The following RIPPLY3 variants were observed in gnomAD, a reference collection of about 807,000 sequenced individuals.
RIPPLY3 encodes the protein protein ripply3.
In RIPPLY3, 8 loss-of-function variants were observed where a neutral mutation model predicts 11.9. The observed-to-expected ratio is 0.67, with a 90% CI of 0.40 to 1.21. The LOEUF (loss-of-function observed/expected upper bound fraction) is 1.21. RIPPLY3 is among the 50% of genes most tolerant of loss of function. The probability of loss-of-function intolerance (pLI) is 0.01; values close to 1 mark genes in which losing one functional copy is unlikely to be tolerated. For missense variants in RIPPLY3, 271 were observed against 246.0 expected, an observed-to-expected ratio of 1.10 and a Z score of -0.68; for synonymous variants, 102 against 99.0, an observed-to-expected ratio of 1.03 and a Z score of -0.18.
rs59382996 is a variant in RIPPLY3 at position 37,011,929 on chromosome 21, CAAAAAAAAAAA to C, written c.172-1603_172-1593del. 5.1e-4 allele frequency among the ~76,000 whole-genome samples: 24 copies of C among 47,102 alleles called. No homozygotes were observed. The South Asian group carries it at 0.013, about 26-fold the overall frequency. 30.9% of individuals were successfully genotyped at this position (47,102 alleles called of 152,430 possible). The stretch of plus-strand genomic sequence containing the variant: ...GGGTGAGCAGAGTAAGACTCCGTCT[CAAAAAAAAAAA>C]AAAAAAAAAAAAAAAAAATGGCAGG... On this transcript the variant is annotated intron_variant, in intron 2 of 3. Coordinates refer to ENST00000329553, the MANE Select transcript of RIPPLY3 (RefSeq NM_018962.3).
rs752855618 is a variant in RIPPLY3 at position 37,008,262 on chromosome 21, C to A, written c.171+39C>A. The A allele has an allele frequency of 3.1e-6, 5 of 1,604,252 alleles. No individual in the cohort carries two copies. The East Asian group carries it at 1.1e-4, about 36-fold the overall frequency. On this transcript the variant is annotated intron_variant, in intron 2 of 3. Coordinates refer to ENST00000329553, the MANE Select transcript of RIPPLY3 (RefSeq NM_018962.3). ...CGGGCGTTGTAGGTAACCCTTCCAG[C>A]CAGAAAGTGGCATCGTCTTTTAAAA...
rs764161770 is a variant in RIPPLY3, at chr21:37,013,579, T to A, written c.200T>A (p.Phe67Tyr). ...PLEPRADQHTFGSKGAFGFQH... is the reference protein window; with the variant it reads ...PLEPRADQHTYGSKGAFGFQH... ...GAACCTAGGGCTGACCAACACACTTTTGGATCAAAGGGAGCCTTTGGGTTT... is the reference window on the plus strand; with the variant it reads ...GAACCTAGGGCTGACCAACACACTTATGGATCAAAGGGAGCCTTTGGGTTT... The change falls in exon 3 of 4, where the codon TTT (phenylalanine) becomes TAT (tyrosine). Residue 67 changes from phenylalanine to tyrosine, a missense_variant. By Grantham distance (22) the Phe-to-Tyr change is conservative. Transcript: ENST00000329553. 8 of 1,613,848 alleles carry A rather than the reference T, an allele frequency of 5.0e-6. No homozygotes were observed. The Admixed American group carries it at 1.3e-4, about 27-fold the overall frequency.
chr21:37,006,575 CT>C, upstream of RIPPLY3: 1 of 366,266 alleles, frequency 2.7e-6, no homozygotes, highest in Non-Finnish European at 4.9e-6. This position sits in a 1 kb window ranked among gnomAD's most constrained non-coding sequence, Gnocchi z 5.2. Context: ...CCGACCCGGG[CT>C]TTTCCTTCGT....
At chr21:37,009,276 G>T (rs1453543569) in intron 2 of RIPPLY3, among the ~76,000 whole-genome samples, 1 of 151,430 alleles carries the variant, frequency 6.6e-6, no homozygotes, top group Non-Finnish European at 1.5e-5. Flanking sequence ...GAAGAATTAG[G>T]CTGGGAAAGA....
At chr21:37,011,842 A>G (rs1403496637) in intron 2 of RIPPLY3, among the ~76,000 whole-genome samples, 1 of 145,898 alleles carries the variant, frequency 6.9e-6, no homozygotes, top group Non-Finnish European at 1.5e-5. Flanking sequence ...AGTCCCAGCT[A>G]CTCGGGAGGC....
At position 37,017,966 on chromosome 21, in the gene RIPPLY3, TCTA is replaced by T. The variant is rs772088154; in HGVS notation, c.334_336del (p.Tyr112del). 2.1e-4 allele frequency: 338 copies of T among 1,614,054 alleles called. 1 individual carries two copies. The highest frequency in any genetic ancestry group is 2.7e-4 in the Non-Finnish European group (320 of 1,180,040). On this transcript the variant is annotated inframe_deletion, in exon 4 of 4. Coordinates refer to ENST00000329553, the MANE Select transcript of RIPPLY3 (RefSeq NM_018962.3). Reference sequence around the variant, plus strand: ...TTCCCAGTGCAAGCCACGATTGACTTCTACGACGATGAGTCTACTGAGTCTGCT... The same window carrying T: ...TTCCCAGTGCAAGCCACGATTGACTTCGACGATGAGTCTACTGAGTCTGCT...
intron 1 of RIPPLY3, among the ~76,000 whole-genome samples, chr21:37,007,377 G>A (rs1054736568): frequency 6.7e-6 from 1 of 148,376 alleles, no homozygotes; most frequent in Non-Finnish European, 1.5e-5. Flanking sequence ...GGGCCAGGTA[G>A]CCAGGCAGGA....
intron 3 of RIPPLY3, among the ~76,000 whole-genome samples, chr21:37,017,152 C>CAAAA (rs552999886): frequency 1.9e-5 from 2 of 106,860 alleles, no homozygotes; most frequent in Non-Finnish European, 1.9e-5. Flanking sequence ...GACTCCCTTT[C>CAAAA]AAAAAAAAAA....
At chr21:37,006,655 GCCGCC>G, upstream of RIPPLY3, 2 of 573,926 alleles carry the variant, frequency 3.5e-6, no homozygotes, top group Non-Finnish European at 5.0e-6. This position sits in a 1 kb window ranked among gnomAD's most constrained non-coding sequence, Gnocchi z 5.2. Flanking sequence ...GCTTGCCCGC[GCCGCC>G]CCGCCCCCGT....
intron 1 of RIPPLY3, among the ~76,000 whole-genome samples, chr21:37,007,639 C>G (rs2069479211): frequency 1.3e-5 from 2 of 152,012 alleles, no homozygotes; most frequent in Non-Finnish European, 2.9e-5. Context: ...GAACTCCTGA[C>G]CTCGAGTGAT....
chr21:37,012,212 T>TTTTTTTTTATTA (rs773284506), intron 2 of RIPPLY3, among the ~76,000 whole-genome samples: 2 of 132,512 alleles, frequency 1.5e-5, no homozygotes, highest in African/African-American at 2.7e-5. Context: ...CCGCTCCTTA[T>TTTTTTTTTATTA]TTATTATTAT....
In RIPPLY3 at chr21:37,018,022, C is replaced by A. The variant is rs760266741; in HGVS notation, c.388C>A (p.Pro130Thr). ...CGAAGCTGAAGAGCCAGAGGAAGGA[C>A]CCCCACCCCTCCATCTTCTGCCCCA... ...ASEAEEPEEGPPPLHLLPQEV... is the reference protein window; with the variant it reads ...ASEAEEPEEGTPPLHLLPQEV... The change falls in exon 4 of 4, where the codon CCC (proline) becomes ACC (threonine). Residue 130 changes from proline to threonine, a missense_variant. Physicochemically the swap from Pro to Thr is conservative, Grantham distance 38. Transcript: ENST00000329553. 64 of 1,613,902 alleles carry A rather than the reference C, an allele frequency of 4.0e-5. No individual in the cohort carries two copies. The highest frequency in any genetic ancestry group is 5.2e-5 in the Non-Finnish European group (61 of 1,180,008).
rs531434807 is a variant in RIPPLY3, at chr21:37,018,155, C to T, written c.521C>T (p.Pro174Leu). Residue 174 changes from proline (P) to leucine (L), a missense_variant, in exon 4 of 4, where the codon CCG becomes CTG. Transcript: ENST00000329553. ...SGGGDHWGEG[P>L]LPQGVSSRGG... ...GGGGGTGACCACTGGGGGGAGGGTC[C>T]GCTCCCTCAAGGTGTCTCCTCAAGG... 754 of 1,613,882 alleles carry T rather than the reference C, an allele frequency of 4.7e-4. 6 individuals carry two copies. In the South Asian group the frequency reaches 6.9e-3, roughly 15 times the overall value.
Position 37,013,586 on chromosome 21 carries a change from A to G in RIPPLY3, c.207A>G (p.Ser69=). The G allele has an allele frequency of 1.2e-6, 2 of 1,613,852 alleles. No individual in the cohort carries two copies. The highest frequency in any genetic ancestry group is 1.7e-6 in the Non-Finnish European group (2 of 1,179,792). The change falls in exon 3 of 4, where the codon TCA becomes TCG. Residue 69 remains serine (S), a synonymous_variant. Transcript: ENST00000329553. ...EPRADQHTFG[S]KGAFGFQHPV... ...GGGCTGACCAACACACTTTTGGATC[A>G]AAGGGAGCCTTTGGGTTTCAGCATC...
chr21:37,006,940 C>T lies in RIPPLY3; in HGVS notation c.104+64C>T. On this transcript the variant is annotated intron_variant, in intron 1 of 3. Coordinates refer to ENST00000329553, the MANE Select transcript of RIPPLY3 (RefSeq NM_018962.3). The surrounding 1 kb of genome is among the most constrained non-coding windows in gnomAD (Gnocchi z 5.2). ...GCGTGCGCGGTGGCGGTGCGGGGAG[C>T]GCAGCGAGCGGGAGGCTGGGGCGCT... 1.0e-6 allele frequency: 1 copy of T among 985,610 alleles called. No homozygotes were observed. Among genetic ancestry groups the T allele is most frequent in the Non-Finnish European group, 1.3e-6 (1 of 769,388 alleles). The allele number at this position is 985,610 out of a possible 1,614,324, so 61.1% of individuals were successfully genotyped here.
At position 37,010,177 on chromosome 21, in the gene RIPPLY3, G is replaced by A. The variant is rs149278045; in HGVS notation, c.171+1954G>A. ...CTGGTGACCTGTACCAGGGCTCCCGGCAAGCAAAGCAAAACTAGAATAAAA... is the reference window on the plus strand; with the variant it reads ...CTGGTGACCTGTACCAGGGCTCCCGACAAGCAAAGCAAAACTAGAATAAAA... On this transcript the variant is annotated intron_variant, in intron 2 of 3. Coordinates refer to ENST00000329553, the MANE Select transcript of RIPPLY3 (RefSeq NM_018962.3). Among the ~76,000 whole-genome samples the A allele has an allele frequency of 2.9e-3, 439 of 152,250 alleles. 2 individuals are homozygous for A. The highest frequency in any genetic ancestry group is 9.9e-3 in the African/African-American group (410 of 41,552).
At position 37,008,179 on chromosome 21, in the gene RIPPLY3, A is replaced by T; in HGVS notation, c.127A>T (p.Ile43Phe). 6.2e-7 allele frequency: 1 copy of T among 1,614,122 alleles called. No homozygotes were observed. The highest frequency in any genetic ancestry group is 8.5e-7 in the Non-Finnish European group (1 of 1,180,014). Residue 43 changes from isoleucine to phenylalanine, a missense_variant, in exon 2 of 4, where the codon ATC (isoleucine) becomes TTC (phenylalanine). Physicochemically the swap from Ile to Phe is conservative, Grantham distance 21. Coordinates refer to ENST00000329553, the MANE Select transcript of RIPPLY3 (RefSeq NM_018962.3). The part of the protein sequence containing the change: ...PESPAPWRPW[I>F]QTPGDAELTR... ...CAGCCCCGCGCCGTGGCGACCTTGG[A>T]TCCAGACACCTGGAGATGCTGAGCT...
chr21:37,010,400 G>A (rs985821903), intron 2 of RIPPLY3, among the ~76,000 whole-genome samples: 1 of 152,122 alleles, frequency 6.6e-6, no homozygotes. Flanking sequence ...TGCTGAAGCA[G>A]GAGGATCGCT....
At chr21:37,006,380 T>TC (rs1421110957), upstream of RIPPLY3, 2 of 163,710 alleles carry the variant, frequency 1.2e-5, no homozygotes, top group Admixed American at 6.4e-5. The surrounding 1 kb of genome is among the most constrained non-coding windows in gnomAD (Gnocchi z 5.2). Context: ...GGTACCTCCA[T>TC]CCTCTGGTCA....
Sources: allele counts gnomAD v4.1 joint callset (sites outside exome capture counted in the v4.1 genomes callset), GRCh38; gene constraint gnomAD v4.1.1; non-coding constraint Gnocchi (gnomAD v3.1); transcripts MANE v1.5; gene names NCBI Gene and HGNC (gene_info 2026-07-23, HGNC 2026-07-21).